JAZF1: variants seen among roughly 807,000 people sequenced by gnomAD.
JAZF1 encodes the protein juxtaposed with another zinc finger protein 1.
JAZF1 carries 8 observed loss-of-function variants against 26.4 expected under a neutral mutation model. The observed-to-expected ratio is 0.30, with a 90% confidence interval of 0.18 to 0.55. The LOEUF (loss-of-function observed/expected upper bound fraction) is 0.55, where lower values mean the gene tolerates loss of function less well. Ranked by LOEUF, JAZF1 falls within the 20% of genes least tolerant of loss-of-function variation. The probability of loss-of-function intolerance (pLI) is 0.94; values close to 1 mark genes in which losing one functional copy is unlikely to be tolerated. For missense variants in JAZF1, 199 were observed against 322.0 expected (o/e 0.62, Z 2.92); for synonymous variants, 126 against 122.3 (o/e 1.03, Z -0.20).
intron 2 of JAZF1, among the ~76,000 whole-genome samples, chr7:27,946,132 G>C (rs1031731032): frequency 6.6e-6 from 1 of 152,110 alleles, no homozygotes; most frequent in African/African-American, 2.4e-5. Flanking sequence ...ATGTTTGTTT[G>C]GTAGGTTAGG....
At chr7:27,874,410 C>T (rs1032214654) in intron 3 of JAZF1, among the ~76,000 whole-genome samples, 1 of 152,154 alleles carries the variant, frequency 6.6e-6, no homozygotes, top group Non-Finnish European at 1.5e-5. Flanking sequence ...GGAACAAAAA[C>T]CAGAAGTGCA....
At chr7:27,906,528 GTCAATCTACC>G (rs1174719797) in intron 2 of JAZF1, among the ~76,000 whole-genome samples, 1 of 152,172 alleles carries the variant, frequency 6.6e-6, no homozygotes, top group Admixed American at 6.5e-5. Context: ...GAATGATATA[GTCAATCTACC>G]TTAATGAAAG....
intron 3 of JAZF1, among the ~76,000 whole-genome samples, chr7:27,848,396 G>A (rs1053351728): frequency 2.0e-5 from 3 of 152,110 alleles, no homozygotes; most frequent in Admixed American, 6.5e-5. Flanking sequence ...TATTGATAAC[G>A]TATCCTGCAA....
intron 1 of JAZF1, among the ~76,000 whole-genome samples, chr7:28,009,996 T>G (rs1459997391): frequency 6.6e-6 from 1 of 152,218 alleles, no homozygotes; most frequent in East Asian, 1.9e-4. Context: ...ATTTGCAATT[T>G]GGCTTCATCA....
At chr7:28,095,348 C>T (rs1172493079) in intron 1 of JAZF1, among the ~76,000 whole-genome samples, 5 of 152,106 alleles carry the variant, frequency 3.3e-5, no homozygotes, top group South Asian at 2.1e-4. Context: ...AGGAAACTTA[C>T]GATCATGGCG....
intron 2 of JAZF1, among the ~76,000 whole-genome samples, chr7:27,973,086 C>G (rs996100102): frequency 2.0e-5 from 3 of 151,920 alleles, no homozygotes; most frequent in Non-Finnish European, 2.9e-5. Flanking sequence ...CCCGCCACAA[C>G]GTTAACATTT....
In JAZF1 at chr7:27,909,132, C is replaced by G. The variant is rs897531037; in HGVS notation, c.189-13716G>C. On this transcript the variant is annotated intron_variant, in intron 2 of 4. Transcript: ENST00000283928. ...TCAAGCAATCTTCCTGCCTCAGCCTCTTGAGTAGCTAGGACTATAGTTGCA... is the reference window on the plus strand; with the variant it reads ...TCAAGCAATCTTCCTGCCTCAGCCTGTTGAGTAGCTAGGACTATAGTTGCA... Among the ~76,000 whole-genome samples, 8 of 146,300 alleles carry G rather than the reference C, an allele frequency of 5.5e-5. 2 individuals are homozygous for G. The highest frequency in any genetic ancestry group is 1.9e-4 in the African/African-American group (7 of 35,930).
At chr7:28,153,785 TCTGGCAATGACCACGGTGGGGTTACCA>T (rs1783141928) in intron 1 of JAZF1, among the ~76,000 whole-genome samples, 1 of 152,166 alleles carries the variant, frequency 6.6e-6, no homozygotes, top group African/African-American at 2.4e-5. Flanking sequence ...ATTGATGTGG[TCTGGCAATGACCACGGTGGGGTTACCA>T]CTCACCATAC....
chr7:28,096,399 CT>C (rs1402449888), intron 1 of JAZF1, among the ~76,000 whole-genome samples: 1 of 152,228 alleles, frequency 6.6e-6, no homozygotes, highest in Non-Finnish European at 1.5e-5. Context: ...CGGAAATGAC[CT>C]TTCCCTTGTC....
At chr7:28,043,351 GC>G (rs1422721587) in intron 1 of JAZF1, among the ~76,000 whole-genome samples, 1 of 152,066 alleles carries the variant, frequency 6.6e-6, no homozygotes, top group Non-Finnish European at 1.5e-5. Context: ...GCATCTTTCG[GC>G]TCAAGTGTTG....
At chr7:27,850,237 G>A (rs1783118212) in intron 3 of JAZF1, among the ~76,000 whole-genome samples, 1 of 152,146 alleles carries the variant, frequency 6.6e-6, no homozygotes, top group African/African-American at 2.4e-5. Context: ...CCACTTTATA[G>A]GAGCTGAAGC....
At chr7:28,130,919 TACTTTACAATGGAATCAGACCCATGGA>T (rs1209588518) in intron 1 of JAZF1, among the ~76,000 whole-genome samples, 4 of 152,224 alleles carry the variant, frequency 2.6e-5, no homozygotes, top group African/African-American at 9.6e-5. Flanking sequence ...GCCTGACGAC[TACTTTACAATGGAATCAGACCCATGGA>T]TCCCTCACTA....
chr7:28,071,777 C>T, intron 1 of JAZF1: 1 of 389,168 alleles, frequency 2.6e-6, no homozygotes. Context: ...TGCAAATTTG[C>T]AGAGGAGGAA....
At chr7:27,878,174 G>C (rs1370793524) in intron 3 of JAZF1, among the ~76,000 whole-genome samples, 3 of 152,120 alleles carry the variant, frequency 2.0e-5, no homozygotes, top group Non-Finnish European at 4.4e-5. Flanking sequence ...TTTTGTAGTG[G>C]CTGGAATGTG....
At chr7:28,012,517 G>C (rs1428821163) in intron 1 of JAZF1, among the ~76,000 whole-genome samples, 3 of 152,218 alleles carry the variant, frequency 2.0e-5, no homozygotes, top group African/African-American at 4.8e-5. Flanking sequence ...ATTTGTTGTT[G>C]ATAGGTCAGC....
intron 2 of JAZF1, among the ~76,000 whole-genome samples, chr7:27,900,974 CTTTT>C (rs35553979): frequency 2.1e-5 from 3 of 143,390 alleles, no homozygotes; most frequent in Non-Finnish European, 3.1e-5. Context: ...TGTGTAAAAA[CTTTT>C]TTTTTTTTTT....
In JAZF1 at chr7:28,110,484, AAAGGAAAGG is replaced by A. The variant is rs764040022; in HGVS notation, c.115+69970_115+69978del. ...AAAGGAAAGGAAAGGAAAGGAAAGGAAAGGAAAGGAAAGGAAAGGAAAAGGAAAGGAAAA... is the reference window on the plus strand; with the variant it reads ...AAAGGAAAGGAAAGGAAAGGAAAGGAAAAGGAAAGGAAAAGGAAAGGAAAA... On this transcript the variant is annotated intron_variant, in intron 1 of 4. Transcript: ENST00000283928. Among the ~76,000 whole-genome samples the A allele has an allele frequency of 3.5e-3, 195 of 56,504 alleles. 2 individuals are homozygous for A. The highest frequency in any genetic ancestry group is 5.6e-3 in the East Asian group (8 of 1,420). 37.1% of individuals were successfully genotyped at this position (56,504 alleles called of 152,430 possible).
intron 1 of JAZF1, among the ~76,000 whole-genome samples, chr7:28,146,229 T>C (rs1783025418): frequency 6.6e-6 from 1 of 152,220 alleles, no homozygotes; most frequent in Non-Finnish European, 1.5e-5. Context: ...AGCCAGCAGA[T>C]GACAGGCCAC....
In JAZF1 at chr7:28,127,343, G is replaced by A. The variant is rs142621571; in HGVS notation, c.115+53120C>T. On this transcript the variant is annotated intron_variant, in intron 1 of 4. Coordinates refer to ENST00000283928, the MANE Select transcript of JAZF1 (RefSeq NM_175061.4). ...CCCATGTCAGGGTGGGGATACAGAT[G>A]CCAGAGGAAGCTGTGGAAGTGGGAT... 9.7e-3 allele frequency among the ~76,000 whole-genome samples: 1,470 copies of A among 152,326 alleles called. 25 individuals are homozygous for A. Among genetic ancestry groups the A allele is most frequent in the African/African-American group, 0.034 (1,416 of 41,560 alleles).
Sources: gnomAD v4.1 joint callset for allele counts (sites outside exome capture counted in the v4.1 genomes callset) on GRCh38, gnomAD v4.1.1 for gene constraint, MANE v1.5 for transcripts, NCBI Gene and HGNC (gene_info 2026-07-23, HGNC 2026-07-21) for gene names.